The following PRODH2 variants were observed in gnomAD, a reference collection of about 807,000 sequenced individuals.
The protein encoded by PRODH2 is proline dehydrogenase 2.
Under a neutral mutation model 51.9 loss-of-function variants are expected in PRODH2, and 49 were observed. That is an observed-to-expected ratio of 0.94 (90% CI 0.75 to 1.20). The LOEUF (loss-of-function observed/expected upper bound fraction) is 1.20. PRODH2 is among the 50% of genes most tolerant of loss of function. The pLI, the probability that PRODH2 is intolerant of heterozygous loss-of-function variation, is 0.00. For missense variants in PRODH2, 597 were observed against 610.9 expected, an observed-to-expected ratio of 0.98 and a Z score of 0.24; for synonymous variants, 249 against 260.7, an observed-to-expected ratio of 0.96 and a Z score of 0.43.
intron 9 of PRODH2, among the ~76,000 whole-genome samples, chr19:35,801,594 G>A (rs888242979): frequency 9.2e-5 from 14 of 152,192 alleles, no homozygotes; most frequent in Non-Finnish European, 1.9e-4. Flanking sequence ...ACAGAGTTGC[G>A]GGGGGACATT....
intron 4 of PRODH2, 34 bp from the exon 5 acceptor site, chr19:35,807,155 A>T (rs372801549): frequency 2.7e-6 from 4 of 1,494,736 alleles, no homozygotes; most frequent in Admixed American, 2.0e-5. Flanking sequence ...GGAAAAGCTT[A>T]TAAGTTGCTA....
Position 35,812,115 on chromosome 19 carries a change from C to G in PRODH2, c.510+19G>C. The G allele has an allele frequency of 6.2e-7, 1 of 1,613,344 alleles. No individual in the cohort carries two copies. Among genetic ancestry groups the G allele is most frequent in the Admixed American group, 1.7e-5 (1 of 59,978 alleles). On this transcript the variant is annotated intron_variant, in intron 3 of 9. Transcript: ENST00000653904. ...GGGCAGCCGCGCCCTCCCCGCACCC[C>G]CGTCTTTGCACTCCTTACACAGAGC...
At chr19:35,809,026 C>T (rs1160938624) in intron 4 of PRODH2, among the ~76,000 whole-genome samples, 1 of 150,804 alleles carries the variant, frequency 6.6e-6, no homozygotes, top group Admixed American at 6.6e-5. Flanking sequence ...GTGATCCAGC[C>T]CCACTTAGCC....
Position 35,812,839 on chromosome 19 carries a change from G to A in PRODH2, c.-34C>T, listed in dbSNP as rs139608436. On this transcript the variant is annotated 5_prime_UTR_variant, in exon 1 of 10. Transcript: ENST00000653904. Reference sequence around the variant, plus strand: ...CCTGGCTGCCTCCACACCAGGGAAGGTTCTCTGGAGGCAGCAAGTTCACCA... The same window carrying A: ...CCTGGCTGCCTCCACACCAGGGAAGATTCTCTGGAGGCAGCAAGTTCACCA... The A allele has an allele frequency of 5.4e-5, 84 of 1,543,566 alleles. No homozygotes were observed. The highest frequency in any genetic ancestry group is 6.9e-5 in the Non-Finnish European group (79 of 1,142,892).
In PRODH2 at chr19:35,812,768, C is replaced by A. The variant is rs1437397962; in HGVS notation, c.38G>T (p.Gly13Val). The A allele has an allele frequency of 4.4e-6, 7 of 1,607,264 alleles. No individual in the cohort carries two copies. The highest frequency in any genetic ancestry group is 1.7e-5 in the Admixed American group (1 of 59,284). ...RTCYVLCSQAGPPSRGWQSLS... is the reference protein window; with the variant it reads ...RTCYVLCSQAVPPSRGWQSLS... ...GGACTGCCAGCCCCTGGAGGGGGGA[C>A]CAGCTTGGGAACAGAGCACGTAACA... Residue 13 changes from glycine (G) to valine (V), a missense_variant, in exon 1 of 10, where the codon GGT (glycine) becomes GTT (valine). Transcript: ENST00000653904.
intron 8 of PRODH2, 39 bp from the exon 9 acceptor site, chr19:35,802,315 G>A (rs371701965): frequency 6.3e-7 from 1 of 1,584,840 alleles, no homozygotes; most frequent in African/African-American, 1.3e-5. Flanking sequence ...GACTGTGGCT[G>A]CATCTACAGC....
In PRODH2 at chr19:35,800,128, G is replaced by A. The variant is rs372605004; in HGVS notation, c.1293C>T (p.Ser431=). The A allele has an allele frequency of 8.5e-5, 136 of 1,608,604 alleles. No homozygotes were observed. Among genetic ancestry groups the A allele is most frequent in the Middle Eastern group, 4.9e-4 (3 of 6,066 alleles). Reference sequence around the variant, plus strand: ...GTTCCCTGCGGGCACCCTGAAGCACGCTCCGGTTCTCCTGGGCCCTCCGGA... The same window carrying A: ...GTTCCCTGCGGGCACCCTGAAGCACACTCCGGTTCTCCTGGGCCCTCCGGA... ...YLIRRAQENR[S]VLQGARREQE... Residue 431 remains serine, a synonymous_variant, in exon 10 of 10, where the codon AGC becomes AGT. Transcript: ENST00000653904.
In PRODH2 at chr19:35,800,160, A is replaced by G; in HGVS notation, c.1261T>C (p.Tyr421His). 1 of 1,604,732 alleles carries G rather than the reference A, an allele frequency of 6.2e-7. No individual in the cohort carries two copies. Among genetic ancestry groups the G allele is most frequent in the South Asian group, 1.1e-5 (1 of 89,500 alleles). Reference sequence around the variant, plus strand: ...TTCTCCTGGGCCCTCCGGATCAGGTAGGGGATTACCTCCTCCAAGGAGCCA... The same window carrying G: ...TTCTCCTGGGCCCTCCGGATCAGGTGGGGGATTACCTCCTCCAAGGAGCCA... ...PYGSLEEVIP[Y>H]LIRRAQENRS... Residue 421 changes from tyrosine (Y) to histidine (H), a missense_variant, in exon 10 of 10, where the codon TAC becomes CAC. By Grantham distance (83) the Tyr-to-His change is moderately conservative. Coordinates refer to ENST00000653904, the MANE Select transcript of PRODH2 (RefSeq NM_021232.2).
At chr19:35,800,587 A>G (rs1346366199) in intron 9 of PRODH2, among the ~76,000 whole-genome samples, 1 of 151,964 alleles carries the variant, frequency 6.6e-6, no homozygotes, top group East Asian at 1.9e-4. Flanking sequence ...CTGGGGGGAC[A>G]CTCCCCAGTC....
intron 4 of PRODH2, among the ~76,000 whole-genome samples, chr19:35,809,450 C>A (rs1393849732): frequency 6.6e-6 from 1 of 152,124 alleles, no homozygotes; most frequent in East Asian, 1.9e-4. Flanking sequence ...AACTCCTGGG[C>A]TCAAGTGAGC....
rs142782151 is a variant in PRODH2 at position 35,805,635 on chromosome 19, C to A, written c.1001+795G>T. Among the ~76,000 whole-genome samples, 1,214 of 152,244 alleles carry A rather than the reference C, an allele frequency of 8.0e-3. 17 individuals are homozygous for A. The highest frequency in any genetic ancestry group is 0.027 in the African/African-American group (1,125 of 41,532). On this transcript the variant is annotated intron_variant, in intron 7 of 9. Transcript: ENST00000653904. The stretch of plus-strand genomic sequence containing the variant: ...ATGTTGTGCAGATTGGGCTCAAACC[C>A]CTGGGCTCAAGCAATCTTCCTGCCT...
intron 7 of PRODH2, among the ~76,000 whole-genome samples, chr19:35,804,842 G>A (rs1008215599): frequency 1.3e-5 from 2 of 152,176 alleles, no homozygotes; most frequent in Admixed American, 1.3e-4. Flanking sequence ...AGACTGAGGT[G>A]GGAGGATGGC....
chr19:35,806,389 G>A (rs377590153), intron 7 of PRODH2, 41 bp downstream of exon 7: 1 of 1,610,488 alleles, frequency 6.2e-7, no homozygotes, highest in Non-Finnish European at 8.5e-7. Context: ...CAACCACTAG[G>A]TGTTATTATT....
At position 35,800,184 on chromosome 19, in the gene PRODH2, C is replaced by T; in HGVS notation, c.1237G>A (p.Gly413Ser). 6.2e-7 allele frequency: 1 copy of T among 1,601,774 alleles called. No homozygotes were observed. The highest frequency in any genetic ancestry group is 8.5e-7 in the Non-Finnish European group (1 of 1,174,038). ...GYVVYKSIPY[G>S]SLEEVIPYLI... ...TAGGGGATTACCTCCTCCAAGGAGC[C>T]ATAGGGAATGGACTTATACACTACA... Residue 413 changes from glycine (G) to serine (S), a missense_variant, in exon 10 of 10, where the codon GGC becomes AGC. Coordinates refer to ENST00000653904, the MANE Select transcript of PRODH2 (RefSeq NM_021232.2).
chr19:35,802,522 C>G (rs1972448761), intron 8 of PRODH2: 8 of 571,776 alleles, frequency 1.4e-5, no homozygotes, highest in Non-Finnish European at 2.2e-5. Context: ...CATCTGGGAC[C>G]TATAAGGACT....
chr19:35,812,299 C>T lies in PRODH2; in HGVS notation c.372-27G>A, dbSNP rs745945035. ...TGCCCAGCCAGCAGGTGTCAGGGCC[C>T]GAACAGCAAAGCCCCTTCCTGCGTC... On this transcript the variant is annotated intron_variant, in intron 2 of 9. Transcript: ENST00000653904. 6.8e-6 allele frequency: 11 copies of T among 1,612,126 alleles called. No individual in the cohort carries two copies. The East Asian group carries it at 1.1e-4, about 16-fold the overall frequency.
At chr19:35,802,504 G>T (rs1197799664) in intron 8 of PRODH2, 2 of 589,142 alleles carry the variant, frequency 3.4e-6, no homozygotes, top group Admixed American at 2.9e-5. Context: ...AAGGGGCAAC[G>T]TCTTGTCCAT....
Position 35,800,195 on chromosome 19 carries a change from G to A in PRODH2, c.1226C>T (p.Ser409Phe), listed in dbSNP as rs1268599190. 5 of 1,598,252 alleles carry A rather than the reference G, an allele frequency of 3.1e-6. No individual in the cohort carries two copies. Among genetic ancestry groups the A allele is most frequent in the Non-Finnish European group, 4.3e-6 (5 of 1,172,266 alleles). ...CTCCTCCAAGGAGCCATAGGGAATGGACTTATACACTACATAGCCGGCCTG... is the reference window on the plus strand; with the variant it reads ...CTCCTCCAAGGAGCCATAGGGAATGAACTTATACACTACATAGCCGGCCTG... The part of the protein sequence containing the change: ...LGQAGYVVYK[S>F]IPYGSLEEVI... The change falls in exon 10 of 10, where the codon TCC becomes TTC. Residue 409 changes from serine (S) to phenylalanine (F), a missense_variant. Transcript: ENST00000653904.
At chr19:35,809,454 A>G (rs1972566793) in intron 4 of PRODH2, among the ~76,000 whole-genome samples, 1 of 152,144 alleles carries the variant, frequency 6.6e-6, no homozygotes, top group Admixed American at 6.6e-5. Flanking sequence ...CCTGGGCTCA[A>G]GTGAGCCTCC....
Sources: allele counts gnomAD v4.1 joint callset (sites outside exome capture counted in the v4.1 genomes callset), GRCh38; gene constraint gnomAD v4.1.1; transcripts MANE v1.5; gene names NCBI Gene and HGNC (gene_info 2026-07-23, HGNC 2026-07-21).